The following CDH13 variants were observed in gnomAD, a reference collection of about 807,000 sequenced individuals.
CDH13 encodes cadherin-13.
A neutral mutation model predicts 63.8 loss-of-function variants in CDH13; 24 were observed. That is an observed-to-expected ratio of 0.38 (90% CI 0.27 to 0.53). The LOEUF (loss-of-function observed/expected upper bound fraction) is 0.53, where lower values mean the gene tolerates loss of function less well. Among genes scored for constraint, CDH13 ranks in the 20% least tolerant of loss-of-function variants. The probability of loss-of-function intolerance (pLI) is 0.85; values close to 1 mark genes in which losing one functional copy is unlikely to be tolerated. For missense variants in CDH13, 1,049 were observed against 903.1 expected, an observed-to-expected ratio of 1.16 and a Z score of -2.07; for synonymous variants, 503 against 355.3, an observed-to-expected ratio of 1.42 and a Z score of -4.67.
At chr16:83,752,786 G>T (rs1228771461) in intron 11 of CDH13, among the ~76,000 whole-genome samples, 1 of 152,198 alleles carries the variant, frequency 6.6e-6, no homozygotes, top group Non-Finnish European at 1.5e-5. Flanking sequence ...TGTGAGAAAT[G>T]AGTGAAGTGC....
chr16:83,587,378 A>G (rs1330348323), intron 7 of CDH13, among the ~76,000 whole-genome samples: 1 of 152,212 alleles, frequency 6.6e-6, no homozygotes, highest in African/African-American at 2.4e-5. Flanking sequence ...AGTCGTAGAC[A>G]TTTAAAACCT....
chr16:83,537,807 T>C (rs1598249580), intron 7 of CDH13, among the ~76,000 whole-genome samples: 1 of 152,358 alleles, frequency 6.6e-6, no homozygotes, highest in East Asian at 1.9e-4. Context: ...CTTTGGAATA[T>C]CTGATCAGGC....
chr16:83,128,264 G>A (rs772396388), intron 4 of CDH13, among the ~76,000 whole-genome samples: 19 of 152,130 alleles, frequency 1.2e-4, no homozygotes, highest in Non-Finnish European at 2.5e-4. Flanking sequence ...GAGGACTGCC[G>A]GTCTTAAGCA....
chr16:82,802,013 G>A (rs1184559829), intron 1 of CDH13, among the ~76,000 whole-genome samples: 1 of 152,208 alleles, frequency 6.6e-6, no homozygotes, highest in Admixed American at 6.5e-5. Flanking sequence ...ATGGGCGGGT[G>A]GGGCTCAGTT....
chr16:83,275,328 T>A (rs998445031), intron 5 of CDH13, among the ~76,000 whole-genome samples: 2 of 152,244 alleles, frequency 1.3e-5, no homozygotes, highest in East Asian at 1.9e-4. Flanking sequence ...CATCATACTT[T>A]CTGTCCAAAT....
chr16:83,647,359 C>A (rs1911927379), intron 8 of CDH13, among the ~76,000 whole-genome samples: 1 of 151,884 alleles, frequency 6.6e-6, no homozygotes, highest in African/African-American at 2.4e-5. Flanking sequence ...TCTTACCCTA[C>A]CTGTAGGAAG....
chr16:82,810,390 A>G (rs2037382726), intron 1 of CDH13, among the ~76,000 whole-genome samples: 1 of 152,178 alleles, frequency 6.6e-6, no homozygotes, highest in Non-Finnish European at 1.5e-5. Context: ...TACAGCTACC[A>G]GAAAAGCACT....
intron 2 of CDH13, among the ~76,000 whole-genome samples, chr16:82,950,447 C>T (rs1291901267): frequency 6.6e-6 from 1 of 152,094 alleles, no homozygotes; most frequent in Admixed American, 6.5e-5. Flanking sequence ...ATAATTGAAT[C>T]ATGGGGGTGG....
At chr16:83,567,113 C>G (rs1904288067) in intron 7 of CDH13, among the ~76,000 whole-genome samples, 1 of 152,190 alleles carries the variant, frequency 6.6e-6, no homozygotes, top group African/African-American at 2.4e-5. Flanking sequence ...ATTCAAAACT[C>G]AGATTCAGCC....
intron 2 of CDH13, among the ~76,000 whole-genome samples, chr16:82,897,203 A>G (rs192448462): frequency 6.6e-6 from 1 of 152,298 alleles, no homozygotes; most frequent in Admixed American, 6.5e-5. Context: ...TTTTGAACTA[A>G]GTAACTGGCC....
chr16:83,216,757 A>G (rs887648001), intron 4 of CDH13, among the ~76,000 whole-genome samples: 6 of 149,192 alleles, frequency 4.0e-5, no homozygotes, highest in African/African-American at 1.5e-4. Flanking sequence ...TATAATATTT[A>G]GGGGTTATAT....
At chr16:83,256,554 A>G (rs1420514838) in intron 5 of CDH13, among the ~76,000 whole-genome samples, 3 of 151,722 alleles carry the variant, frequency 2.0e-5, no homozygotes, top group Admixed American at 6.6e-5. Flanking sequence ...TCCAGTGGCC[A>G]GGCACGGTGG....
chr16:83,436,751 C>G, intron 6 of CDH13, among the ~76,000 whole-genome samples: 1 of 152,216 alleles, frequency 6.6e-6, no homozygotes, highest in East Asian at 1.9e-4. Context: ...AACTTTGGTG[C>G]CTGTGGCTGG....
intron 7 of CDH13, among the ~76,000 whole-genome samples, chr16:83,597,155 C>G (rs548821122): frequency 6.6e-6 from 1 of 151,948 alleles, no homozygotes; most frequent in South Asian, 2.1e-4. Flanking sequence ...CCTGGGAGGT[C>G]GAGGCTGCAG....
At chr16:83,729,960 C>T (rs76819415) in intron 10 of CDH13, among the ~76,000 whole-genome samples, 3,438 of 152,264 alleles carry the variant, frequency 0.023, 136 homozygotes, top group East Asian at 0.17. Context: ...AAGTCATTAC[C>T]GTGCTTGTGA....
chr16:83,452,523 G>A (rs1402569978), intron 6 of CDH13, among the ~76,000 whole-genome samples: 2 of 152,066 alleles, frequency 1.3e-5, no homozygotes, highest in Non-Finnish European at 2.9e-5. Flanking sequence ...CACTTTCTCG[G>A]TTCGTTTTGT....
chr16:82,951,413 G>T (rs1485197711), intron 2 of CDH13, among the ~76,000 whole-genome samples: 1 of 152,174 alleles, frequency 6.6e-6, no homozygotes, highest in Non-Finnish European at 1.5e-5. Flanking sequence ...CTGATATTCA[G>T]CTATTGGCAT....
chr16:83,532,436 C>G (rs1478824956), intron 7 of CDH13, among the ~76,000 whole-genome samples: 1 of 152,184 alleles, frequency 6.6e-6, no homozygotes, highest in Admixed American at 6.5e-5. Flanking sequence ...ACATGGGAGT[C>G]CCTTAATAAA....
chr16:82,932,142 G>T lies in CDH13; in HGVS notation c.157+73669G>T, dbSNP rs570823315. Among the ~76,000 whole-genome samples the T allele has an allele frequency of 2.6e-5, 4 of 152,116 alleles. No homozygotes were observed. In the East Asian group the frequency reaches 7.7e-4, roughly 29 times the overall value. The stretch of plus-strand genomic sequence containing the variant: ...CTCACAGAAGTCATTCTACATTAGT[G>T]GTCAAAAGCATATGCTTTTGAGTCA... On this transcript the variant is annotated intron_variant, in intron 2 of 13. Coordinates refer to ENST00000567109, the MANE Select transcript of CDH13 (RefSeq NM_001257.5).
Sources: gnomAD v4.1 joint callset for allele counts (sites outside exome capture counted in the v4.1 genomes callset) on GRCh38, gnomAD v4.1.1 for gene constraint, MANE v1.5 for transcripts, NCBI Gene and HGNC (gene_info 2026-07-23, HGNC 2026-07-21) for gene names.